The following SETBP1 variants were observed in gnomAD, a reference collection of about 807,000 sequenced individuals.
The protein encoded by SETBP1 is SET binding protein 1.
SETBP1 carries 9 observed loss-of-function variants against 101.0 expected under a neutral mutation model. That is an observed-to-expected ratio of 0.09 (90% CI 0.05 to 0.16). SETBP1 has a LOEUF of 0.16. SETBP1 is among the 10% of genes least tolerant of loss of function. The pLI is 1.00. For synonymous variants in SETBP1, 818 were observed against 788.5 expected (o/e 1.04, Z -0.63); for missense variants, 1,858 against 2,033.8 (o/e 0.91, Z 1.66).
chr18:44,886,420 T>G (rs2069649383), intron 3 of SETBP1, among the ~76,000 whole-genome samples: 1 of 152,182 alleles, frequency 6.6e-6, no homozygotes, highest in African/African-American at 2.4e-5. Flanking sequence ...AATCTTCACT[T>G]TGTCCAAGAT....
At chr18:44,724,043 G>C (rs1487993984) in intron 2 of SETBP1, among the ~76,000 whole-genome samples, 1 of 152,168 alleles carries the variant, frequency 6.6e-6, no homozygotes, top group Non-Finnish European at 1.5e-5. Context: ...CAACGAAAAA[G>C]TCCTGAAATA....
At chr18:45,010,031 G>A (rs1260689945) in intron 4 of SETBP1, among the ~76,000 whole-genome samples, 1 of 152,106 alleles carries the variant, frequency 6.6e-6, no homozygotes, top group African/African-American at 2.4e-5. Flanking sequence ...GAGCACAACT[G>A]GAGGAAAAAG....
At chr18:44,896,424 AATT>A (rs1327788621) in intron 3 of SETBP1, among the ~76,000 whole-genome samples, 3 of 152,176 alleles carry the variant, frequency 2.0e-5, no homozygotes, top group African/African-American at 7.2e-5. Flanking sequence ...GTACAAGTCT[AATT>A]ATTCTTCTGT....
At chr18:44,982,598 C>T (rs1012784536) in intron 4 of SETBP1, among the ~76,000 whole-genome samples, 7 of 152,100 alleles carry the variant, frequency 4.6e-5, no homozygotes, top group East Asian at 1.9e-4. Context: ...GAGTGATAAG[C>T]GAAGTAGTCA....
intron 3 of SETBP1, among the ~76,000 whole-genome samples, chr18:44,929,223 T>A (rs2070770234): frequency 6.6e-6 from 1 of 152,204 alleles, no homozygotes; most frequent in South Asian, 2.1e-4. Flanking sequence ...TTTGTCAGGT[T>A]TGTCAAAGAT....
intron 2 of SETBP1, among the ~76,000 whole-genome samples, chr18:44,783,095 CT>C (rs1311708819): frequency 6.6e-6 from 1 of 152,200 alleles, no homozygotes; most frequent in African/African-American, 2.4e-5. Flanking sequence ...ATAAATTTGC[CT>C]TTCTTATCCC....
chr18:44,833,811 G>T (rs189094158), intron 2 of SETBP1, among the ~76,000 whole-genome samples: 5 of 152,234 alleles, frequency 3.3e-5, no homozygotes, highest in Non-Finnish European at 7.3e-5. Flanking sequence ...AAGGGGAAAA[G>T]ATAAAGGATC....
At chr18:44,940,968 G>T (rs1322559315) in intron 3 of SETBP1, among the ~76,000 whole-genome samples, 11 of 151,102 alleles carry the variant, frequency 7.3e-5, no homozygotes. Context: ...CATTTTTAAA[G>T]AATATTTTCG....
Position 44,951,002 on chromosome 18 carries a change from G to T in SETBP1, c.1662G>T (p.Leu554=). Reference sequence around the variant, plus strand: ...CAGTTATGGCCACCTCTGATAAACTGATGCTGGAGCCCCCGTCTGCATATC... The same window carrying T: ...CAGTTATGGCCACCTCTGATAAACTTATGCTGGAGCCCCCGTCTGCATATC... ...REAVMATSDK[L]MLEPPSAYPI... is the part of the protein sequence containing the mutation. Residue 554 remains leucine (L), a synonymous_variant, in exon 4 of 6, where the codon CTG becomes CTT. Transcript: ENST00000649279. This position sits in a 1 kb window ranked among gnomAD's most constrained non-coding sequence, Gnocchi z 7.8. 1 of 1,613,994 alleles carries T rather than the reference G, an allele frequency of 6.2e-7. No homozygotes were observed. Among genetic ancestry groups the T allele is most frequent in the Non-Finnish European group, 8.5e-7 (1 of 1,180,018 alleles).
chr18:44,776,355 C>T (rs2071003265), intron 2 of SETBP1, among the ~76,000 whole-genome samples: 1 of 152,172 alleles, frequency 6.6e-6, no homozygotes, highest in Non-Finnish European at 1.5e-5. Flanking sequence ...CCGATTTAAA[C>T]CCAGGCTAGA....
At chr18:45,061,482 T>C (rs2073889876) in intron 5 of SETBP1, among the ~76,000 whole-genome samples, 1 of 152,240 alleles carries the variant, frequency 6.6e-6, no homozygotes, top group African/African-American at 2.4e-5. Flanking sequence ...TTGATCTTTA[T>C]AACTTATTTT....
At chr18:44,855,768 C>G (rs1264605154) in intron 2 of SETBP1, among the ~76,000 whole-genome samples, 1 of 152,206 alleles carries the variant, frequency 6.6e-6, no homozygotes, top group Non-Finnish European at 1.5e-5. Flanking sequence ...CTCTCACTGG[C>G]ATGGTGTGCT....
At chr18:44,966,004 T>C (rs547157373) in intron 4 of SETBP1, among the ~76,000 whole-genome samples, 16 of 152,260 alleles carry the variant, frequency 1.1e-4, no homozygotes, top group African/African-American at 3.9e-4. Context: ...CAGTGATCCT[T>C]TGGGCAATAA....
At chr18:44,937,180 C>T (rs1045413492) in intron 3 of SETBP1, among the ~76,000 whole-genome samples, 2 of 152,018 alleles carry the variant, frequency 1.3e-5, no homozygotes, top group East Asian at 1.9e-4. Context: ...TGGCCGGGCG[C>T]GGTGGCTCAC....
chr18:44,707,613 C>T (rs1432928851), intron 2 of SETBP1, among the ~76,000 whole-genome samples: 3 of 152,192 alleles, frequency 2.0e-5, no homozygotes, highest in Admixed American at 2.0e-4. Flanking sequence ...TGAGCATTCA[C>T]AATCTGCTTT....
chr18:44,822,830 T>TA (rs1300334248), intron 2 of SETBP1, among the ~76,000 whole-genome samples: 3 of 152,220 alleles, frequency 2.0e-5, no homozygotes, highest in Non-Finnish European at 2.9e-5. Context: ...AGTCAACAAT[T>TA]ACAGTTGTTT....
intron 1 of SETBP1, among the ~76,000 whole-genome samples, chr18:44,690,540 T>G (rs2068913047): frequency 6.6e-6 from 1 of 152,256 alleles, no homozygotes; most frequent in Non-Finnish European, 1.5e-5. Flanking sequence ...GTCTACCAAT[T>G]CCTTCCTCAA....
At chr18:44,771,962 A>C (rs987196167) in intron 2 of SETBP1, among the ~76,000 whole-genome samples, 1 of 152,234 alleles carries the variant, frequency 6.6e-6, no homozygotes, top group African/African-American at 2.4e-5. Flanking sequence ...AAGAGAGTTA[A>C]TAAAACCTCT....
chr18:45,060,052 C>T (rs1364159692), intron 5 of SETBP1, among the ~76,000 whole-genome samples: 1 of 152,174 alleles, frequency 6.6e-6, no homozygotes, highest in African/African-American at 2.4e-5. Context: ...TCCTTTTCTA[C>T]CCAACTCTTT....
Sources: gnomAD v4.1 joint callset for allele counts (sites outside exome capture counted in the v4.1 genomes callset) on GRCh38, gnomAD v4.1.1 for gene constraint, Gnocchi (gnomAD v3.1) non-coding constraint, MANE v1.5 for transcripts, NCBI Gene and HGNC (gene_info 2026-07-23, HGNC 2026-07-21) for gene names.